The following PLPP1 variants were observed in gnomAD, a reference collection of about 807,000 sequenced individuals.
The protein encoded by PLPP1 is lipid phosphate phosphohydrolase 1a.
A neutral mutation model predicts 31.2 loss-of-function variants in PLPP1; 24 were observed. That is an observed-to-expected ratio of 0.77 (90% CI 0.56 to 1.08). The LOEUF is 1.08. Among genes scored for constraint, PLPP1 ranks in the 50% least tolerant of loss-of-function variants. The pLI is 0.00. For missense variants in PLPP1, 319 were observed against 342.7 expected (o/e 0.93, Z 0.55); for synonymous variants, 146 against 126.3 (o/e 1.16, Z -1.05).
intron 1 of PLPP1, among the ~76,000 whole-genome samples, chr5:55,516,290 T>G (rs1476455316): frequency 1.3e-5 from 2 of 152,148 alleles, no homozygotes; most frequent in Admixed American, 1.3e-4. Context: ...CTAACTGATC[T>G]CCCTAAATCC....
chr5:55,425,910 C>A lies in PLPP1; in HGVS notation c.679G>T (p.Asp227Tyr). Residue 227 changes from aspartate (D) to tyrosine (Y), a missense_variant, in exon 5 of 6, where the codon GAT becomes TAT. Physicochemically the swap from Asp to Tyr is radical, Grantham distance 160 (BLOSUM62 -3). Coordinates refer to ENST00000307259, the MANE Select transcript of PLPP1 (RefSeq NM_003711.4). Reference sequence around the variant, plus strand: ...CCCTGAATGAGTCCAGTCAACACATCGCTCCAGTGGTGTTTATAATCAGAA... The same window carrying A: ...CCCTGAATGAGTCCAGTCAACACATAGCTCCAGTGGTGTTTATAATCAGAA... The part of the protein sequence containing the change: ...RVSDYKHHWS[D>Y]VLTGLIQGAL... The A allele has an allele frequency of 1.2e-6, 2 of 1,613,020 alleles. No individual in the cohort carries two copies. The highest frequency in any genetic ancestry group is 1.7e-6 in the Non-Finnish European group (2 of 1,179,720).
intron 2 of PLPP1, 108 bp downstream of exon 2, chr5:55,475,191 A>G: frequency 9.8e-7 from 1 of 1,019,774 alleles, no homozygotes; most frequent in East Asian, 2.9e-5. Context: ...AAGGTTTAAA[A>G]AGCATACATT....
At chr5:55,511,350 A>C (rs1753402028) in intron 1 of PLPP1, among the ~76,000 whole-genome samples, 1 of 152,222 alleles carries the variant, frequency 6.6e-6, no homozygotes. Context: ...ATATCCAAAA[A>C]TGGGGGCAAA....
intron 1 of PLPP1, among the ~76,000 whole-genome samples, chr5:55,518,069 G>A (rs1240545084): frequency 2.6e-5 from 4 of 152,090 alleles, no homozygotes; most frequent in African/African-American, 7.2e-5. Flanking sequence ...TACTGATCTC[G>A]TGATCCGCCT....
intron 1 of PLPP1, among the ~76,000 whole-genome samples, chr5:55,490,464 T>G (rs1206648986): frequency 6.6e-6 from 1 of 152,150 alleles, no homozygotes; most frequent in Non-Finnish European, 1.5e-5. Flanking sequence ...GTGACATATC[T>G]TAATGTATTC....
chr5:55,474,947 T>A (rs1561237533), intron 2 of PLPP1, among the ~76,000 whole-genome samples: 1 of 152,258 alleles, frequency 6.6e-6, no homozygotes, highest in African/African-American at 2.4e-5. Flanking sequence ...TGTTTTTTTT[T>A]AAGATGGGAT....
chr5:55,446,450 A>G (rs1751766808), intron 3 of PLPP1, among the ~76,000 whole-genome samples: 1 of 151,852 alleles, frequency 6.6e-6, no homozygotes, highest in Non-Finnish European at 1.5e-5. Flanking sequence ...CCCACATCAT[A>G]TTTTCTATCT....
chr5:55,486,611 A>C (rs1404171220), intron 1 of PLPP1, among the ~76,000 whole-genome samples: 2 of 151,682 alleles, frequency 1.3e-5, no homozygotes, highest in African/African-American at 4.8e-5. Context: ...ATAACATAAA[A>C]TATATAAAGT....
At chr5:55,534,550 G>A in intron 1 of PLPP1, 22 bp downstream of exon 1, 2 of 1,527,872 alleles carry the variant, frequency 1.3e-6, no homozygotes, top group Non-Finnish European at 1.8e-6. Flanking sequence ...CACGCCCCTC[G>A]GACCCGGCGG....
chr5:55,530,529 T>C, intron 1 of PLPP1: 1 of 1,214,118 alleles, frequency 8.2e-7, no homozygotes, highest in African/African-American at 1.5e-5. Flanking sequence ...TTCAGAGATC[T>C]GAAAGTTTGG....
chr5:55,443,654 A>G (rs1751685759), intron 3 of PLPP1, among the ~76,000 whole-genome samples: 1 of 152,218 alleles, frequency 6.6e-6, no homozygotes, highest in Non-Finnish European at 1.5e-5. Flanking sequence ...ACTGCAAACT[A>G]ATTTAGGTAA....
At position 55,479,307 on chromosome 5, in the gene PLPP1, G is replaced by A. The variant is rs553187059; in HGVS notation, c.59-3857C>T. 8.5e-4 allele frequency among the ~76,000 whole-genome samples: 130 copies of A among 152,290 alleles called. 1 individual carries two copies. Among genetic ancestry groups the A allele is most frequent in the African/African-American group, 3.0e-3 (123 of 41,560 alleles). ...CTCCCAAAGTGCTGGGATTATAGGC[G>A]TGAGCCAGTGTGCCTAGCCAAGATG... is the stretch of plus-strand genomic sequence containing the variant. On this transcript the variant is annotated intron_variant, in intron 1 of 5. Coordinates refer to ENST00000307259, the MANE Select transcript of PLPP1 (RefSeq NM_003711.4).
intron 1 of PLPP1, among the ~76,000 whole-genome samples, chr5:55,493,931 G>A (rs1413411439): frequency 5.3e-5 from 8 of 150,952 alleles, no homozygotes; most frequent in African/African-American, 2.0e-4. Context: ...CTATAGTCCA[G>A]ACATTTGGGA....
At chr5:55,439,237 A>C (rs1751565674) in intron 4 of PLPP1, among the ~76,000 whole-genome samples, 1 of 152,220 alleles carries the variant, frequency 6.6e-6, no homozygotes, top group Non-Finnish European at 1.5e-5. Flanking sequence ...AGCCTGACTC[A>C]GGAATGTGCT....
intron 3 of PLPP1, among the ~76,000 whole-genome samples, chr5:55,465,246 T>C (rs948087297): frequency 3.3e-5 from 5 of 152,106 alleles, no homozygotes; most frequent in African/African-American, 9.7e-5. Flanking sequence ...GGTTTCACCA[T>C]GTTGGCCAGG....
chr5:55,468,218 G>C, intron 2 of PLPP1, 69 bp from the exon 3 acceptor site: 1 of 1,358,882 alleles, frequency 7.4e-7, no homozygotes, highest in East Asian at 2.3e-5. Flanking sequence ...CAAAACATAG[G>C]GGGAAAAAAG....
intron 1 of PLPP1, among the ~76,000 whole-genome samples, chr5:55,481,616 C>A (rs1376230067): frequency 6.6e-6 from 1 of 152,052 alleles, no homozygotes; most frequent in Non-Finnish European, 1.5e-5. Flanking sequence ...CATAGGCAGA[C>A]CAAAAGACCC....
At chr5:55,506,481 C>A (rs540342619) in intron 1 of PLPP1, among the ~76,000 whole-genome samples, 82 of 152,280 alleles carry the variant, frequency 5.4e-4, no homozygotes, top group African/African-American at 1.9e-3. Context: ...AGGAGCCTAA[C>A]TTCCAGGGTC....
chr5:55,426,162 G>T, intron 4 of PLPP1, 123 bp from the exon 5 acceptor site: 1 of 836,646 alleles, frequency 1.2e-6, no homozygotes, highest in South Asian at 2.2e-5. Flanking sequence ...AGGACTTCTA[G>T]GCAAACATTC....
Sources: gnomAD v4.1 joint callset for allele counts (sites outside exome capture counted in the v4.1 genomes callset) on GRCh38, gnomAD v4.1.1 for gene constraint, MANE v1.5 for transcripts, NCBI Gene and HGNC (gene_info 2026-07-23, HGNC 2026-07-21) for gene names.